MUC17: variants seen among roughly 807,000 people sequenced by gnomAD.
MUC17 encodes the protein mucin-17.
In MUC17, 190 loss-of-function variants were observed where a neutral mutation model predicts 170.3. The ratio of observed to expected loss-of-function variants is 1.12; its 90% CI spans 0.99 to 1.26. The LOEUF (loss-of-function observed/expected upper bound fraction) is 1.26. MUC17 is among the 50% of genes most tolerant of loss of function. MUC17 has a pLI of 0.00. For missense variants in MUC17, 6,415 were observed against 5,530.0 expected, an observed-to-expected ratio of 1.16 and a Z score of -5.08; for synonymous variants, 2,325 against 2,002.5, an observed-to-expected ratio of 1.16 and a Z score of -4.30.
Position 101,041,614 on chromosome 7 carries a change from C to T in MUC17, c.10198C>T (p.Pro3400Ser). The T allele has an allele frequency of 1.2e-6, 2 of 1,613,892 alleles. No homozygotes were observed. The highest frequency in any genetic ancestry group is 1.7e-6 in the Non-Finnish European group (2 of 1,179,878). The change falls in exon 3 of 13, where the codon CCA becomes TCA. Residue 3400 changes from proline (P) to serine (S), a missense_variant. Transcript: ENST00000306151. ...CTCAAGTCCTAGTGAAGGAACCACT[C>T]CATTAGCAAGTATGCCTGTCAGCAC... ...PTSSPSEGTT[P>S]LASMPVSTTP...
intron 1 of MUC17, among the ~76,000 whole-genome samples, chr7:101,030,365 G>A (rs1250536756): frequency 6.6e-6 from 1 of 151,698 alleles, no homozygotes. Flanking sequence ...TGGGACTACA[G>A]GTGCACATGC....
At position 101,048,855 on chromosome 7, in the gene MUC17, G is replaced by T. The variant is rs753376856; in HGVS notation, c.12546G>T (p.Glu4182Asp). Residue 4182 changes from glutamate (E) to aspartate (D), a missense_variant, in exon 5 of 13, where the codon GAG becomes GAT. Transcript: ENST00000306151. ...VVSSIDIGPP[E>D]TISAQMELTV... ...GTCTACCCGCCTCAGGGCCACCGGA[G>T]ACTATCTCTGCCCAAATGGAACTGA... 5.0e-6 allele frequency: 8 copies of T among 1,614,074 alleles called. No individual in the cohort carries two copies. In the Admixed American group the frequency reaches 1.3e-4, roughly 27 times the overall value.
chr7:101,053,184 T>C, intron 10 of MUC17, 37 bp downstream of exon 10: 1 of 1,602,626 alleles, frequency 6.2e-7, no homozygotes, highest in Non-Finnish European at 8.5e-7. Flanking sequence ...TCCAACTCCC[T>C]CCAGCTCCTC....
Position 101,038,960 on chromosome 7 carries a change from C to A in MUC17, c.7544C>A (p.Thr2515Asn), listed in dbSNP as rs779955383. ...ATCTCAACTGCTAGTGAAGGAAGTA[C>A]TCTATTAACAAGTATACCTGTCAGC... ...VPISTASEGS[T>N]LLTSIPVSTT... The change falls in exon 3 of 13, where the codon ACT becomes AAT. Residue 2515 changes from threonine to asparagine, a missense_variant. By Grantham distance (65) the Thr-to-Asn change is moderately conservative. Transcript: ENST00000306151. 1 of 1,614,038 alleles carries A rather than the reference C, an allele frequency of 6.2e-7. No homozygotes were observed. Among genetic ancestry groups the A allele is most frequent in the East Asian group, 2.2e-5 (1 of 44,874 alleles).
chr7:101,031,039 A>C (rs1442929052), intron 1 of MUC17, 81 bp from the exon 2 acceptor site: 9 of 1,474,264 alleles, frequency 6.1e-6, no homozygotes, highest in Non-Finnish European at 7.3e-6. Context: ...TTTCCAGGGC[A>C]GGGAGTAGAG....
Position 101,032,864 on chromosome 7 carries a change from T to A in MUC17, c.1448T>A (p.Val483Glu), listed in dbSNP as rs1056951811. Reference protein sequence around the residue: ...STTPVDSKTQVTTSTEASSSP... With the variant: ...STTPVDSKTQETTSTEASSSP... ...ACTCCTGTTGACTCCAAAACTCAGG[T>A]GACCACTTCTACTGAAGCCAGTTCA... The change falls in exon 3 of 13, where the codon GTG becomes GAG. Residue 483 changes from valine to glutamate, a missense_variant. Val to Glu is a moderately radical substitution (Grantham distance 121, BLOSUM62 -2). Transcript: ENST00000306151. The A allele has an allele frequency of 4.3e-6, 7 of 1,613,616 alleles. No individual in the cohort carries two copies. Among genetic ancestry groups the A allele is most frequent in the Non-Finnish European group, 5.1e-6 (6 of 1,179,872 alleles).
intron 3 of MUC17, among the ~76,000 whole-genome samples, chr7:101,046,294 G>T (rs1251766929): frequency 2.0e-5 from 3 of 152,102 alleles, no homozygotes; most frequent in Non-Finnish European, 4.4e-5. Context: ...TACATACCTC[G>T]TGCACTTCCC....
At position 101,020,111 on chromosome 7, in the gene MUC17, C is replaced by G. The variant is rs1794040808; in HGVS notation, c.-25C>G. 2.6e-6 allele frequency: 4 copies of G among 1,564,092 alleles called. No individual in the cohort carries two copies. The highest frequency in any genetic ancestry group is 3.5e-6 in the Non-Finnish European group (4 of 1,153,464). The stretch of plus-strand genomic sequence containing the variant: ...CGCCAGCTCCTCTGGGGGTGACAGG[C>G]AAGTGAGACGTGCTCAGAGCTCCGA... On this transcript the variant is annotated 5_prime_UTR_variant, in exon 1 of 13. Transcript: ENST00000306151.
Position 101,041,690 on chromosome 7 carries a change from A to G in MUC17, c.10274A>G (p.Asp3425Gly), listed in dbSNP as rs753685017. The G allele has an allele frequency of 1.2e-6, 2 of 1,612,784 alleles. No individual in the cohort carries two copies. The highest frequency in any genetic ancestry group is 1.1e-5 in the South Asian group (1 of 91,020). ...EVNTLSTTPV[D>G]SNTLVTTSTE... ...AACACCCTTTCAACAACTCCTGTGG[A>G]CTCCAACACTCTGGTGACCACTTCT... Residue 3425 changes from aspartate to glycine, a missense_variant, in exon 3 of 13, where the codon GAC becomes GGC. Coordinates refer to ENST00000306151, the MANE Select transcript of MUC17 (RefSeq NM_001040105.2).
In MUC17 at chr7:101,035,110, G is replaced by A. The variant is rs1794422753; in HGVS notation, c.3694G>A (p.Ala1232Thr). ...TSMPVRHTPV[A>T]SSEASTLSTS... ...TATGCCTGTCAGACACACGCCAGTG[G>A]CCAGTTCTGAGGCTAGCACCCTTTC... Residue 1232 changes from alanine (A) to threonine (T), a missense_variant, in exon 3 of 13, where the codon GCC (alanine) becomes ACC (threonine). Physicochemically the swap from Ala to Thr is moderately conservative, Grantham distance 58. Transcript: ENST00000306151. The A allele has an allele frequency of 6.2e-7, 1 of 1,611,806 alleles. No homozygotes were observed. The highest frequency in any genetic ancestry group is 1.3e-5 in the African/African-American group (1 of 74,640).
chr7:101,020,186 G>A lies in MUC17; in HGVS notation c.51G>A (p.Ser17=), dbSNP rs150547324. Residue 17 remains serine, a synonymous_variant, in exon 1 of 13, where the codon TCG becomes TCA. Transcript: ENST00000306151. ...MALCLLTLVL[S]LLPPQAAAEQ... ...TGTGTCTGCTGACCTTGGTCCTCTC[G>A]CTCTTGCCCCCACAAGCTGCTGCAG... 2 of 1,609,420 alleles carry A rather than the reference G, an allele frequency of 1.2e-6. No individual in the cohort carries two copies. Among genetic ancestry groups the A allele is most frequent in the Non-Finnish European group, 1.7e-6 (2 of 1,177,980 alleles).
At chr7:101,045,892 T>C (rs1291017636) in intron 3 of MUC17, among the ~76,000 whole-genome samples, 1 of 152,202 alleles carries the variant, frequency 6.6e-6, no homozygotes, top group Non-Finnish European at 1.5e-5. Context: ...CTGGTGTCGG[T>C]CACATCTTTG....
At chr7:101,050,822 T>A (rs1239568966) in intron 7 of MUC17, among the ~76,000 whole-genome samples, 187 bp downstream of exon 7, 1 of 152,038 alleles carries the variant, frequency 6.6e-6, no homozygotes. Context: ...GTCTTTAACC[T>A]TCATCATCCT....
Position 101,048,016 on chromosome 7 carries a change from C to T in MUC17, c.12436C>T (p.Arg4146Cys), listed in dbSNP as rs780814630. ...FGDGCQNTASRCKNGGTWDGL... is the reference protein window; with the variant it reads ...FGDGCQNTASCCKNGGTWDGL... The stretch of plus-strand genomic sequence containing the variant: ...AGATGGGTGCCAGAATACGGCCTCT[C>T]GCTGCAAGAATGGAGGCACCTGGGA... The change falls in exon 4 of 13, where the codon CGC becomes TGC. Residue 4146 changes from arginine to cysteine, a missense_variant. Arg to Cys is a radical substitution (Grantham distance 180). Transcript: ENST00000306151. The T allele has an allele frequency of 1.2e-5, 19 of 1,605,580 alleles. No individual in the cohort carries two copies. The highest frequency in any genetic ancestry group is 2.3e-5 in the East Asian group (1 of 44,352).
chr7:101,035,792 G>A lies in MUC17; in HGVS notation c.4376G>A (p.Ser1459Asn), dbSNP rs150352552. 5.0e-6 allele frequency: 8 copies of A among 1,608,318 alleles called. No homozygotes were observed. The highest frequency in any genetic ancestry group is 5.9e-6 in the Non-Finnish European group (7 of 1,176,936). ...AGTGAAGGAAAGACTCCATTAAAAA[G>A]TATACCTGTCAGCAACACGCCGGTG... ...TPSEGKTPLK[S>N]IPVSNTPVAN... Residue 1459 changes from serine (S) to asparagine (N), a missense_variant, in exon 3 of 13, where the codon AGT becomes AAT. Coordinates refer to ENST00000306151, the MANE Select transcript of MUC17 (RefSeq NM_001040105.2).
rs146383432 is a variant in MUC17 at position 101,035,845 on chromosome 7, A to T, written c.4429A>T (p.Thr1477Ser). Reference sequence around the variant, plus strand: ...CAATTCTGAGGCTAGCACCCTTTCAACAACTCCTGTTGACTCTAACAGTCC... The same window carrying T: ...CAATTCTGAGGCTAGCACCCTTTCATCAACTCCTGTTGACTCTAACAGTCC... ...VANSEASTLS[T>S]TPVDSNSPVV... Residue 1477 changes from threonine to serine, a missense_variant, in exon 3 of 13, where the codon ACA (threonine) becomes TCA (serine). Transcript: ENST00000306151. 3 of 1,599,162 alleles carry T rather than the reference A, an allele frequency of 1.9e-6. No individual in the cohort carries two copies. Among genetic ancestry groups the T allele is most frequent in the Admixed American group, 1.7e-5 (1 of 59,158 alleles).
At chr7:101,044,129 T>C (rs879834216) in intron 3 of MUC17, among the ~76,000 whole-genome samples, 42 of 152,368 alleles carry the variant, frequency 2.8e-4, no homozygotes, top group Middle Eastern at 3.4e-3. Context: ...CTCAGAATGA[T>C]GGTTTCCAGC....
chr7:101,033,279 C>T lies in MUC17; in HGVS notation c.1863C>T (p.Thr621=), dbSNP rs1794351210. ...CTGCTGAAGGTACCAGCATGCCAACCTCAACTTACAGTGAAAGAGGCACTA... is the reference window on the plus strand; with the variant it reads ...CTGCTGAAGGTACCAGCATGCCAACTTCAACTTACAGTGAAAGAGGCACTA... ...STTAEGTSMP[T]STYSERGTTI... The change falls in exon 3 of 13, where the codon ACC becomes ACT. Residue 621 remains threonine (T), a synonymous_variant. Transcript: ENST00000306151. 1.9e-6 allele frequency: 3 copies of T among 1,613,946 alleles called. No homozygotes were observed. Among genetic ancestry groups the T allele is most frequent in the Admixed American group, 1.7e-5 (1 of 59,980 alleles).
Position 101,053,113 on chromosome 7 carries a change from A to T in MUC17, c.13231A>T (p.Met4411Leu). The T allele has an allele frequency of 6.2e-7, 1 of 1,613,978 alleles. No homozygotes were observed. Among genetic ancestry groups the T allele is most frequent in the Non-Finnish European group, 8.5e-7 (1 of 1,179,978 alleles). ...GCTGATCATCCTGGTAGCTCTCCTG[A>T]TGCTCGTTTTCCGCTCCAAGAGAGA... ...LMLIILVALLMLVFRSKREVK... is the reference protein window; with the variant it reads ...LMLIILVALLLLVFRSKREVK... Residue 4411 changes from methionine (M) to leucine (L), a missense_variant, in exon 10 of 13, where the codon ATG becomes TTG. Met to Leu is a conservative substitution (Grantham distance 15). Transcript: ENST00000306151.
Sources: gnomAD v4.1 joint callset for allele counts (sites outside exome capture counted in the v4.1 genomes callset) on GRCh38, gnomAD v4.1.1 for gene constraint, MANE v1.5 for transcripts, NCBI Gene and HGNC (gene_info 2026-07-23, HGNC 2026-07-21) for gene names.